Variants in PTX4 observed in about 807,000 individuals in gnomAD.
The protein encoded by PTX4 is pentraxin 4.
PTX4 carries 23 observed loss-of-function variants against 19.1 expected under a neutral mutation model. The ratio of observed to expected loss-of-function variants is 1.20; its 90% CI spans 0.87 to 1.70. PTX4 has a LOEUF of 1.70. Among genes scored for constraint, PTX4 ranks in the 40% most tolerant of loss-of-function variants. The pLI, the probability that PTX4 is intolerant of heterozygous loss-of-function variation, is 0.00. For synonymous variants in PTX4, 317 were observed against 279.6 expected (o/e 1.13, Z -1.33); for missense variants, 678 against 610.5 (o/e 1.11, Z -1.17).
intron 2 of PTX4, 35 bp from the exon 3 acceptor site, chr16:1,486,614 G>T (rs937319125): frequency 2.6e-5 from 39 of 1,518,116 alleles, no homozygotes; most frequent in Non-Finnish European, 3.4e-5. Flanking sequence ...ACCCCTTGCA[G>T]GAGGCCGAGC....
chr16:1,487,832 G>C lies in PTX4; in HGVS notation c.280C>G (p.Gln94Glu). Residue 94 changes from glutamine to glutamate, a missense_variant, in exon 2 of 3, where the codon CAG becomes GAG. Gln to Glu is a conservative substitution (Grantham distance 29). Coordinates refer to ENST00000447419, the MANE Select transcript of PTX4 (RefSeq NM_001328608.2). The part of the protein sequence containing the change: ...QAVAQAVNRS[Q>E]ASVQGELAQL... ...GCCAGCTCCCCCTGCACCGAGGCCT[G>C]TGACCGGTTGACTGCCTGAGCCACA... The C allele has an allele frequency of 6.2e-7, 1 of 1,613,130 alleles. No homozygotes were observed. The highest frequency in any genetic ancestry group is 2.2e-5 in the East Asian group (1 of 44,886).
intron 1 of PTX4, 97 bp from the exon 2 acceptor site, chr16:1,488,067 C>T (rs376014013): frequency 2.0e-5 from 26 of 1,282,902 alleles, no homozygotes; most frequent in African/African-American, 4.5e-5. Flanking sequence ...GCAGCGGCCG[C>T]GTGCCCGGGC....
Position 1,487,806 on chromosome 16 carries a change from C to A in PTX4, c.306G>T (p.Ala102=). 6.2e-7 allele frequency: 1 copy of A among 1,613,076 alleles called. No individual in the cohort carries two copies. The highest frequency in any genetic ancestry group is 8.5e-7 in the Non-Finnish European group (1 of 1,179,910). Residue 102 remains alanine (A), a synonymous_variant, in exon 2 of 3, where the codon GCG becomes GCT. Coordinates refer to ENST00000447419, the MANE Select transcript of PTX4 (RefSeq NM_001328608.2). ...RSQASVQGEL[A]QLKAWVRKLQ... is the part of the protein sequence containing the mutation. ...GCTTCCTCACCCAGGCCTTGAGCTG[C>A]GCCAGCTCCCCCTGCACCGAGGCCT...
Position 1,486,173 on chromosome 16 carries a change from G to A in PTX4, c.1203C>T (p.Leu401=), listed in dbSNP as rs372576163. 2.7e-5 allele frequency: 43 copies of A among 1,614,020 alleles called. No individual in the cohort carries two copies. The highest frequency in any genetic ancestry group is 3.6e-5 in the Non-Finnish European group (42 of 1,179,972). ...CGCTGTCTTGTTCCTGGCCCAGCAC[G>A]AGGGACCCTCCGGGGGGGATCTCAT... ...EGYEIPPGGS[L]VLGQEQDSVG... Residue 401 remains leucine, a synonymous_variant, in exon 3 of 3, where the codon CTC becomes CTT. Coordinates refer to ENST00000447419, the MANE Select transcript of PTX4 (RefSeq NM_001328608.2).
At chr16:1,488,614 T>G (rs370594749) in intron 1 of PTX4, 155 bp downstream of exon 1, 3 of 693,732 alleles carry the variant, frequency 4.3e-6, no homozygotes, top group Non-Finnish European at 5.0e-6. Context: ...GGTGTCCAAC[T>G]GCAGGTGAAA....
Position 1,488,005 on chromosome 16 carries a change from G to C in PTX4, c.142-35C>G. 2.0e-6 allele frequency: 3 copies of C among 1,528,262 alleles called. No individual in the cohort carries two copies. In the South Asian group the frequency reaches 3.8e-5, roughly 19 times the overall value. The allele number at this position is 1,528,262 out of a possible 1,614,324, so 94.7% of individuals were successfully genotyped here. ...GGACACGGTGATGATGGGGCGGGCC[G>C]GGCCGGGCCGGCTGGGCGGGACGGG... On this transcript the variant is annotated intron_variant, in intron 1 of 2. Transcript: ENST00000447419.
chr16:1,487,294 G>T, intron 2 of PTX4, 22 bp downstream of exon 2: 1 of 1,498,774 alleles, frequency 6.7e-7, no homozygotes, highest in Non-Finnish European at 8.8e-7. Flanking sequence ...CTGGCCGTGA[G>T]CTGGGAGCCT....
chr16:1,488,241 C>T (rs1004378748), intron 1 of PTX4: 3 of 1,522,252 alleles, frequency 2.0e-6, no homozygotes, highest in African/African-American at 2.7e-5. Context: ...ACCCCATAAC[C>T]ACCGGCAAGT....
chr16:1,486,566 G>A lies in PTX4; in HGVS notation c.810C>T (p.Gly270=). The A allele has an allele frequency of 6.5e-7, 1 of 1,547,234 alleles. No individual in the cohort carries two copies. The highest frequency in any genetic ancestry group is 1.3e-5 in the South Asian group (1 of 79,414). Residue 270 remains glycine (G), a synonymous_variant, in exon 3 of 3, where the codon GGC becomes GGT. Coordinates refer to ENST00000447419, the MANE Select transcript of PTX4 (RefSeq NM_001328608.2). ...PQVPGEICGV[G]PTLVFPNAST... is the part of the protein sequence containing the mutation. ...AGGCGTTTGGGAAAACGAGGGTGGG[G>A]CCCACGCCGCAAACTAGAAACAGAG... is the stretch of plus-strand genomic sequence containing the variant.
At chr16:1,488,607 G>A (rs2039272247) in intron 1 of PTX4, 162 bp downstream of exon 1, 1 of 717,894 alleles carries the variant, frequency 1.4e-6, no homozygotes, top group Admixed American at 2.6e-5. Flanking sequence ...CTTCCCTGGT[G>A]TCCAACTGCA....
At chr16:1,488,591 T>C (rs1182724425) in intron 1 of PTX4, 178 bp downstream of exon 1, 7 of 827,260 alleles carry the variant, frequency 8.5e-6, no homozygotes, top group Non-Finnish European at 1.4e-5. Context: ...GGAGCCCAGC[T>C]CAGCTCTTCC....
Position 1,488,795 on chromosome 16 carries a change from C to A in PTX4, c.115G>T (p.Glu39Ter). 1 of 702,116 alleles carries A rather than the reference C, an allele frequency of 1.4e-6. No homozygotes were observed. The highest frequency in any genetic ancestry group is 2.6e-6 in the Non-Finnish European group (1 of 384,346). 43.5% of individuals were successfully genotyped at this position (702,116 alleles called of 1,614,324 possible). ...APVGPRKPFFERLRRLEEQFR... is the reference protein window; with the variant it reads ...APVGPRKPFF ...TGTTCCTCCAGCCTACGGAGCCTCT[C>A]GAAAAACGGTTTCCTGGGCCCCACT... is the stretch of plus-strand genomic sequence containing the variant. The change falls in exon 1 of 3, where the codon GAG (glutamate) becomes TAG (stop). Residue 39 changes from glutamate (E) to a stop codon, truncating the protein, a stop_gained. Coordinates refer to ENST00000447419, the MANE Select transcript of PTX4 (RefSeq NM_001328608.2). LOFTEE classifies it high-confidence loss of function.
In PTX4 at chr16:1,487,691, T is replaced by C; in HGVS notation, c.421A>G (p.Lys141Glu). ...GCGTCCCTCTGGGCCTTGTGTGCCT[T>C]CCTTTCCCGGGCCCGCTGCTGGCTC... is the stretch of plus-strand genomic sequence containing the variant. Reference protein sequence around the residue: ...ERSQQRARERKAHKAQRDALQ... With the variant: ...ERSQQRAREREAHKAQRDALQ... The change falls in exon 2 of 3, where the codon AAG (lysine) becomes GAG (glutamate). Residue 141 changes from lysine (K) to glutamate (E), a missense_variant. Coordinates refer to ENST00000447419, the MANE Select transcript of PTX4 (RefSeq NM_001328608.2). 1 of 1,610,510 alleles carries C rather than the reference T, an allele frequency of 6.2e-7. No homozygotes were observed. Among genetic ancestry groups the C allele is most frequent in the Non-Finnish European group, 8.5e-7 (1 of 1,178,122 alleles).
chr16:1,487,811 G>C lies in PTX4; in HGVS notation c.301C>G (p.Leu101Val), dbSNP rs765504476. ...CTCACCCAGGCCTTGAGCTGCGCCA[G>C]CTCCCCCTGCACCGAGGCCTGTGAC... ...NRSQASVQGELAQLKAWVRKL... is the reference protein window; with the variant it reads ...NRSQASVQGEVAQLKAWVRKL... The change falls in exon 2 of 3, where the codon CTG becomes GTG. Residue 101 changes from leucine to valine, a missense_variant. By Grantham distance (32) the Leu-to-Val change is conservative (BLOSUM62 1). Coordinates refer to ENST00000447419, the MANE Select transcript of PTX4 (RefSeq NM_001328608.2). The C allele has an allele frequency of 2.2e-5, 36 of 1,612,912 alleles. No individual in the cohort carries two copies. Among genetic ancestry groups the C allele is most frequent in the Non-Finnish European group, 3.1e-5 (36 of 1,179,886 alleles).
At chr16:1,486,837 C>G (rs1302874327) in intron 2 of PTX4, among the ~76,000 whole-genome samples, 1 of 152,192 alleles carries the variant, frequency 6.6e-6, no homozygotes, top group Non-Finnish European at 1.5e-5. Flanking sequence ...GGAGCCCTAG[C>G]TGTCGGCCCA....
chr16:1,486,126 G>A lies in PTX4; in HGVS notation c.1250C>T (p.Ser417Phe). 4 of 1,614,210 alleles carry A rather than the reference G, an allele frequency of 2.5e-6. No homozygotes were observed. Among genetic ancestry groups the A allele is most frequent in the Non-Finnish European group, 3.4e-6 (4 of 1,180,038 alleles). The part of the protein sequence containing the change: ...QDSVGGGFDS[S>F]EAFVGSMSGL... ...AGACATGCTCCCCACGAAGGCCTCG[G>A]AGCTGTCGAATCCGCCCCCCACGCT... The change falls in exon 3 of 3, where the codon TCC becomes TTC. Residue 417 changes from serine (S) to phenylalanine (F), a missense_variant. Physicochemically the swap from Ser to Phe is radical, Grantham distance 155. Transcript: ENST00000447419.
In PTX4 at chr16:1,485,995, G is replaced by C; in HGVS notation, c.1381C>G (p.Leu461Val). 1 of 1,613,330 alleles carries C rather than the reference G, an allele frequency of 6.2e-7. No individual in the cohort carries two copies. The highest frequency in any genetic ancestry group is 1.1e-5 in the South Asian group (1 of 91,078). Residue 461 changes from leucine to valine, a missense_variant, in exon 3 of 3, where the codon CTA (leucine) becomes GTA (valine). Leu to Val is a conservative substitution (Grantham distance 32). Coordinates refer to ENST00000447419, the MANE Select transcript of PTX4 (RefSeq NM_001328608.2). ...GCCCCCTGCACAAATCCGCCTGCTA[G>C]TGCAGCATTGGCCAGCGTCAGGATG... is the stretch of plus-strand genomic sequence containing the variant. ...GAILTLANAA[L>V]AGGFVQGANC...
chr16:1,486,633 C>T, intron 2 of PTX4, 54 bp from the exon 3 acceptor site: 1 of 1,500,382 alleles, frequency 6.7e-7, no homozygotes, highest in Non-Finnish European at 8.9e-7. Context: ...GCAGAAGCAT[C>T]CAGAAGCACA....
rs570112487 is a variant in PTX4 at position 1,487,699 on chromosome 16, C to A, written c.413G>T (p.Arg138Leu). The A allele has an allele frequency of 6.2e-6, 10 of 1,610,886 alleles. No individual in the cohort carries two copies. The African/African-American group carries it at 1.3e-4, about 22-fold the overall frequency. ...CTGGGCCTTGTGTGCCTTCCTTTCC[C>A]GGGCCCGCTGCTGGCTCCTCTCGCC... ...TLGERSQQRA[R>L]ERKAHKAQRD... Residue 138 changes from arginine (R) to leucine (L), a missense_variant, in exon 2 of 3, where the codon CGG becomes CTG. Transcript: ENST00000447419.
Sources: allele counts gnomAD v4.1 joint callset (sites outside exome capture counted in the v4.1 genomes callset), GRCh38; gene constraint gnomAD v4.1.1; transcripts MANE v1.5; gene names NCBI Gene and HGNC (gene_info 2026-07-23, HGNC 2026-07-21).